The following LMAN2L variants were observed in gnomAD, a reference collection of about 807,000 sequenced individuals.
LMAN2L encodes lectin, mannose binding 2 like.
A neutral mutation model predicts 44.3 loss-of-function variants in LMAN2L; 30 were observed. The observed-to-expected ratio is 0.68, with a 90% CI of 0.51 to 0.92. The LOEUF is 0.92. Ranked by LOEUF, LMAN2L falls within the 40% of genes least tolerant of loss-of-function variation. The probability of loss-of-function intolerance (pLI) is 0.00; values close to 1 mark genes in which losing one functional copy is unlikely to be tolerated. For missense variants in LMAN2L, 429 were observed against 446.1 expected, an observed-to-expected ratio of 0.96 and a Z score of 0.35; for synonymous variants, 183 against 171.1, an observed-to-expected ratio of 1.07 and a Z score of -0.54.
chr2:96,724,699 T>G (rs184778440), intron 4 of LMAN2L, among the ~76,000 whole-genome samples: 2 of 152,110 alleles, frequency 1.3e-5, no homozygotes, highest in Non-Finnish European at 2.9e-5. Context: ...CAGGCTGGAG[T>G]GAAGTGGCGC....
At chr2:96,727,756 T>G (rs1021027876) in intron 4 of LMAN2L, among the ~76,000 whole-genome samples, 1 of 152,248 alleles carries the variant, frequency 6.6e-6, no homozygotes. Context: ...CCCTCCTACC[T>G]GCTCCTTGTC....
chr2:96,719,486 T>C (rs985898869), intron 4 of LMAN2L, among the ~76,000 whole-genome samples: 4 of 152,000 alleles, frequency 2.6e-5, no homozygotes, highest in African/African-American at 9.7e-5. Context: ...TGGTGGCTCA[T>C]GCCTGTAATC....
At chr2:96,713,623 C>T (rs1480673774) in intron 4 of LMAN2L, among the ~76,000 whole-genome samples, 1 of 152,170 alleles carries the variant, frequency 6.6e-6, no homozygotes, top group East Asian at 1.9e-4. Context: ...CTTTACTATC[C>T]AGGATCTCAG....
intron 4 of LMAN2L, among the ~76,000 whole-genome samples, chr2:96,723,933 A>G (rs545765504): frequency 1.8e-4 from 28 of 151,808 alleles, no homozygotes; most frequent in Non-Finnish European, 3.5e-4. Flanking sequence ...CTAAAAACAT[A>G]TATATTAAAA....
chr2:96,710,580 C>T (rs1305937839), intron 6 of LMAN2L, among the ~76,000 whole-genome samples: 2 of 152,110 alleles, frequency 1.3e-5, no homozygotes, highest in African/African-American at 2.4e-5. Flanking sequence ...AGGAGAATCG[C>T]TTGAATACAG....
chr2:96,733,464 G>A, intron 4 of LMAN2L, 55 bp downstream of exon 4: 1 of 1,321,842 alleles, frequency 7.6e-7, no homozygotes, highest in East Asian at 2.3e-5. Context: ...ACATTCCTGA[G>A]GCAAAGAACT....
chr2:96,734,506 C>A lies in LMAN2L; in HGVS notation c.327G>T (p.Trp109Cys). 1 of 1,611,520 alleles carries A rather than the reference C, an allele frequency of 6.2e-7. No homozygotes were observed. The highest frequency in any genetic ancestry group is 8.5e-7 in the Non-Finnish European group (1 of 1,177,592). ...GGATTTTGAAGTGCACCTGCAACTCCCAGTCTCTCAGGAAACATGGCTAAA... is the reference window on the plus strand; with the variant it reads ...GGATTTTGAAGTGCACCTGCAACTCACAGTCTCTCAGGAAACATGGCTAAA... ...WNRVPCFLRD[W>C]ELQVHFKIHG... Residue 109 changes from tryptophan to cysteine, a missense_variant, in exon 3 of 8, where the codon TGG (tryptophan) becomes TGT (cysteine). Trp to Cys is a radical substitution (Grantham distance 215). Transcript: ENST00000264963.
rs767060857 is a variant in LMAN2L at position 96,707,318 on chromosome 2, T to C, written c.985A>G (p.Ile329Val). The part of the protein sequence containing the change: ...FFSLVFSVFA[I>V]VIGIILYNKW... ...TTGTAGAGTATGATACCAATGACTATGGCAAATACAGAAAACACCAGGGAG... is the reference window on the plus strand; with the variant it reads ...TTGTAGAGTATGATACCAATGACTACGGCAAATACAGAAAACACCAGGGAG... Residue 329 changes from isoleucine to valine, a missense_variant, in exon 8 of 8, where the codon ATA becomes GTA. Transcript: ENST00000264963. The C allele has an allele frequency of 6.0e-5, 97 of 1,613,880 alleles. No homozygotes were observed. The highest frequency in any genetic ancestry group is 8.1e-5 in the Non-Finnish European group (96 of 1,179,980).
chr2:96,722,758 T>G (rs928443457), intron 4 of LMAN2L, among the ~76,000 whole-genome samples: 5 of 152,226 alleles, frequency 3.3e-5, no homozygotes, highest in Non-Finnish European at 7.3e-5. Context: ...CAGTGGCTCA[T>G]GCCTATAATC....
chr2:96,730,016 A>C (rs929364269), intron 4 of LMAN2L, among the ~76,000 whole-genome samples: 1 of 152,178 alleles, frequency 6.6e-6, no homozygotes, highest in Non-Finnish European at 1.5e-5. Flanking sequence ...CTTGGAAGTA[A>C]GAACCACAAT....
intron 6 of LMAN2L, 33 bp from the exon 7 acceptor site, chr2:96,707,866 C>A: frequency 6.2e-7 from 1 of 1,608,098 alleles, no homozygotes; most frequent in South Asian, 1.1e-5. Context: ...TGACTTGTGC[C>A]ACTTGAAAAA....
chr2:96,712,472 A>G (rs1489410502), intron 4 of LMAN2L, among the ~76,000 whole-genome samples: 1 of 152,104 alleles, frequency 6.6e-6, no homozygotes, highest in African/African-American at 2.4e-5. Context: ...TCTCCTCCCA[A>G]CCATGGTTCT....
At chr2:96,730,886 G>A (rs1454117993) in intron 4 of LMAN2L, among the ~76,000 whole-genome samples, 1 of 152,094 alleles carries the variant, frequency 6.6e-6, no homozygotes, top group African/African-American at 2.4e-5. Flanking sequence ...TGTTGGCCAG[G>A]ATAGTCTCGG....
At chr2:96,734,888 T>C (rs892729917) in intron 2 of LMAN2L, among the ~76,000 whole-genome samples, 1 of 152,200 alleles carries the variant, frequency 6.6e-6, no homozygotes, top group Non-Finnish European at 1.5e-5. Flanking sequence ...GCTGAATTCA[T>C]ACTCATTTAC....
At position 96,733,533 on chromosome 2, in the gene LMAN2L, C is replaced by G; in HGVS notation, c.493G>C (p.Glu165Gln). 6.2e-7 allele frequency: 1 copy of G among 1,613,844 alleles called. No homozygotes were observed. Among genetic ancestry groups the G allele is most frequent in the Non-Finnish European group, 8.5e-7 (1 of 1,179,792 alleles). The change falls in exon 4 of 8, where the codon GAG (glutamate) becomes CAG (glutamine). Residue 165 changes from glutamate to glutamine, a missense_variant. Physicochemically the swap from Glu to Gln is conservative, Grantham distance 29 (BLOSUM62 2). Coordinates refer to ENST00000264963, the MANE Select transcript of LMAN2L (RefSeq NM_030805.4). ...CTTGCCATTACCTCTTGCTGCTTCTCCTCATTGGGGTAGGTGTCTACAAAT... is the reference window on the plus strand; with the variant it reads ...CTTGCCATTACCTCTTGCTGCTTCTGCTCATTGGGGTAGGTGTCTACAAAT... ...GVFVDTYPNE[E>Q]KQQERVFPYI...
intron 4 of LMAN2L, among the ~76,000 whole-genome samples, chr2:96,715,599 G>T (rs914237643): frequency 2.6e-5 from 4 of 152,236 alleles, no homozygotes; most frequent in Non-Finnish European, 4.4e-5. Context: ...CCAGAAAGGA[G>T]AAACTCTCAC....
chr2:96,734,442 C>A lies in LMAN2L; in HGVS notation c.391G>T (p.Ala131Ser), dbSNP rs764549691. The A allele has an allele frequency of 6.2e-7, 1 of 1,613,190 alleles. No homozygotes were observed. The highest frequency in any genetic ancestry group is 8.5e-7 in the Non-Finnish European group (1 of 1,179,112). The change falls in exon 3 of 8, where the codon GCA becomes TCA. Residue 131 changes from alanine to serine, a missense_variant. By Grantham distance (99) the Ala-to-Ser change is moderately conservative. Coordinates refer to ENST00000264963, the MANE Select transcript of LMAN2L (RefSeq NM_030805.4). Reference protein sequence around the residue: ...GKKNLHGDGLAIWYTKDRMQP... With the variant: ...GKKNLHGDGLSIWYTKDRMQP... ...ATCCGATCCTTTGTGTACCAGATTG[C>A]CAAGCCATCCCCATGCAGATTCTTC...
intron 4 of LMAN2L, among the ~76,000 whole-genome samples, chr2:96,717,114 C>T (rs1190053090): frequency 6.6e-6 from 1 of 151,872 alleles, no homozygotes; most frequent in Non-Finnish European, 1.5e-5. Context: ...AACACACACA[C>T]ACACACAAGT....
intron 4 of LMAN2L, among the ~76,000 whole-genome samples, chr2:96,719,151 T>A (rs2078099887): frequency 6.6e-6 from 1 of 152,178 alleles, no homozygotes. Flanking sequence ...TCTGATAGTA[T>A]GTCAATACTT....
Sources: gnomAD v4.1 joint callset for allele counts (sites outside exome capture counted in the v4.1 genomes callset) on GRCh38, gnomAD v4.1.1 for gene constraint, MANE v1.5 for transcripts, NCBI Gene and HGNC (gene_info 2026-07-23, HGNC 2026-07-21) for gene names.